P4HA3: variants seen among roughly 807,000 people sequenced by gnomAD.
The protein encoded by P4HA3 is prolyl 4-hydroxylase subunit alpha 3.
In P4HA3, 60 loss-of-function variants were observed where a neutral mutation model predicts 66.7. The ratio of observed to expected loss-of-function variants is 0.90; its 90% CI spans 0.73 to 1.12. P4HA3 has a LOEUF of 1.12. P4HA3 is among the 50% of genes most tolerant of loss of function. P4HA3 has a pLI of 0.00. For missense variants in P4HA3, 683 were observed against 685.8 expected, an observed-to-expected ratio of 1.00 and a Z score of 0.05; for synonymous variants, 263 against 274.6, an observed-to-expected ratio of 0.96 and a Z score of 0.42.
At chr11:74,272,006 C>T (rs1044682570) in intron 10 of P4HA3, among the ~76,000 whole-genome samples, 7 of 152,152 alleles carry the variant, frequency 4.6e-5, no homozygotes, top group African/African-American at 1.7e-4. Context: ...CAGACCCTCA[C>T]AACAACACTG....
intron 15 of P4HA3, among the ~76,000 whole-genome samples, chr11:74,255,250 C>T (rs975349686): frequency 1.2e-4 from 19 of 152,212 alleles, no homozygotes; most frequent in Non-Finnish European, 2.5e-4. Flanking sequence ...CAGTGAATGA[C>T]TTCTCTTACA....
intron 15 of P4HA3, chr11:74,259,877 A>G (rs1189914420): frequency 1.3e-5 from 2 of 152,206 alleles, no homozygotes; most frequent in Non-Finnish European, 1.5e-5. Flanking sequence ...TAAAGCTGCT[A>G]TGACCATGGG....
chr11:74,266,944 T>C lies in P4HA3; in HGVS notation c.*304A>G, dbSNP rs1860007004. The stretch of plus-strand genomic sequence containing the variant: ...GACCCACTGATCGAACCTGAGACTG[T>C]TGAGATGTCCTGTTCCCAACAGAGA... On this transcript the variant is annotated 3_prime_UTR_variant, in exon 13 of 13. Coordinates refer to ENST00000331597, the MANE Select transcript of P4HA3 (RefSeq NM_182904.5). 1.5e-6 allele frequency: 2 copies of C among 1,353,814 alleles called. No individual in the cohort carries two copies. Among genetic ancestry groups the C allele is most frequent in the South Asian group, 1.5e-5 (1 of 66,508 alleles). 83.9% of individuals were successfully genotyped at this position (1,353,814 alleles called of 1,614,324 possible). A position where few individuals can be genotyped will look rare whatever the true frequency, so the allele number is the denominator to read the frequency against.
intron 8 of P4HA3, 90 bp downstream of exon 8, chr11:74,279,298 G>A: frequency 1.7e-6 from 2 of 1,191,706 alleles, no homozygotes; most frequent in Non-Finnish European, 2.5e-6. Flanking sequence ...CACCTCTGGA[G>A]GTCCCTGAAT....
downstream of P4HA3, among the ~76,000 whole-genome samples, chr11:74,263,799 G>A (rs186977043): frequency 3.9e-5 from 6 of 152,348 alleles, no homozygotes; most frequent in Admixed American, 2.0e-4. Flanking sequence ...GGACAAGGCT[G>A]TTGGAAAACA....
Position 74,298,263 on chromosome 11 carries a change from A to C in P4HA3, c.666T>G (p.Asp222Glu), listed in dbSNP as rs1861290222. The part of the protein sequence containing the change: ...RGSYGEWKTE[D>E]EASLEDALDH... ...CCAAGGCATCTTCTAGACTTGCCTC[A>C]TCCTCTGTCTTCCACTCTCCGTAAG... Residue 222 changes from aspartate to glutamate, a missense_variant, in exon 4 of 13, where the codon GAT becomes GAG. Transcript: ENST00000331597. 6.2e-7 allele frequency: 1 copy of C among 1,614,114 alleles called. No homozygotes were observed. The highest frequency in any genetic ancestry group is 1.3e-5 in the African/African-American group (1 of 75,052).
chr11:74,281,691 A>G (rs1860603103), intron 7 of P4HA3, among the ~76,000 whole-genome samples: 1 of 152,060 alleles, frequency 6.6e-6, no homozygotes, highest in Non-Finnish European at 1.5e-5. Flanking sequence ...ACATGGACAC[A>G]GGAAGGGGAA....
At chr11:74,283,698 C>T (rs1187791210) in intron 7 of P4HA3, among the ~76,000 whole-genome samples, 2 of 152,222 alleles carry the variant, frequency 1.3e-5, no homozygotes, top group Non-Finnish European at 2.9e-5. Flanking sequence ...TCTGCCCAGT[C>T]TCTGAACATA....
chr11:74,291,987 T>A (rs1861045416), intron 4 of P4HA3, among the ~76,000 whole-genome samples: 1 of 152,216 alleles, frequency 6.6e-6, no homozygotes, highest in Non-Finnish European at 1.5e-5. Context: ...ATTCCCTCTT[T>A]TTCTATTGAT....
At chr11:74,264,122 G>A (rs1368188921), downstream of P4HA3, among the ~76,000 whole-genome samples, 1 of 152,094 alleles carries the variant, frequency 6.6e-6, no homozygotes, top group African/African-American at 2.4e-5. Flanking sequence ...ATAAGAATTA[G>A]GCCTTTCCAC....
In P4HA3 at chr11:74,304,444, C is replaced by A. The variant is rs1414125139; in HGVS notation, c.201-32G>T. On this transcript the variant is annotated intron_variant, in intron 1 of 12. Transcript: ENST00000331597. ...GAAAGGAGTAGAATGATCTCACCTC[C>A]TGATACAACCACTACACCTAGGGAA... 6 of 1,611,542 alleles carry A rather than the reference C, an allele frequency of 3.7e-6. No individual in the cohort carries two copies. In the African/African-American group the frequency reaches 8.0e-5, roughly 22 times the overall value.
intron 10 of P4HA3, among the ~76,000 whole-genome samples, chr11:74,271,468 C>T (rs577218775): frequency 6.6e-6 from 1 of 152,064 alleles, no homozygotes; most frequent in Non-Finnish European, 1.5e-5. Context: ...GCTGTAAGAA[C>T]AGTGGGAAAG....
In P4HA3 at chr11:74,268,218, G is replaced by A; in HGVS notation, c.1491C>T (p.Asn497=). Residue 497 remains asparagine (N), a synonymous_variant, in exon 12 of 13, where the codon AAC becomes AAT. Coordinates refer to ENST00000331597, the MANE Select transcript of P4HA3 (RefSeq NM_182904.5). Reference sequence around the variant, plus strand: ...TGTCCCCTTCACCACTCCTGTGCAGGTTCCACCAAAACAGTGCTGCATTCT... The same window carrying A: ...TGTCCCCTTCACCACTCCTGTGCAGATTCCACCAAAACAGTGCTGCATTCT... ...VVRNAALFWW[N]LHRSGEGDSD... The A allele has an allele frequency of 6.2e-7, 1 of 1,613,982 alleles. No homozygotes were observed. The highest frequency in any genetic ancestry group is 1.7e-5 in the Admixed American group (1 of 60,008).
intron 5 of P4HA3, 107 bp downstream of exon 5, chr11:74,288,965 AAGATAAT>A: frequency 4.0e-6 from 3 of 745,344 alleles, no homozygotes; most frequent in Non-Finnish European, 3.8e-6. Flanking sequence ...AAAAAAAAAA[AAGATAAT>A]AAAGATAGAT....
intron 3 of P4HA3, among the ~76,000 whole-genome samples, chr11:74,300,757 T>C (rs1861382323): frequency 1.3e-5 from 2 of 152,236 alleles, no homozygotes; most frequent in African/African-American, 4.8e-5. Context: ...GAGTTGGCGA[T>C]ACCACTCCGA....
intron 15 of P4HA3, among the ~76,000 whole-genome samples, chr11:74,252,810 G>C (rs889886130): frequency 6.6e-6 from 1 of 152,132 alleles, no homozygotes; most frequent in Non-Finnish European, 1.5e-5. Context: ...ATCCTAGGTA[G>C]CTCTTCATCT....
intron 15 of P4HA3, among the ~76,000 whole-genome samples, chr11:74,253,163 G>A (rs145132766): frequency 1.3e-5 from 2 of 152,166 alleles, no homozygotes; most frequent in Non-Finnish European, 2.9e-5. Context: ...GCAAGACCTT[G>A]GGACAGTGAA....
Position 74,293,576 on chromosome 11 carries a change from G to A in P4HA3, c.718-4446C>T, listed in dbSNP as rs1379943922. On this transcript the variant is annotated intron_variant, in intron 4 of 12. Transcript: ENST00000331597. ...TTACAATTTGACATGTTTTTGCAGT[G>A]GCTGGTACCAGTTGTTCCTTTCCAT... 2.6e-5 allele frequency among the ~76,000 whole-genome samples: 4 copies of A among 152,160 alleles called. No homozygotes were observed. The East Asian group carries it at 7.7e-4, about 29-fold the overall frequency.
intron 15 of P4HA3, chr11:74,251,543 G>A: frequency 6.6e-7 from 1 of 1,521,296 alleles, no homozygotes; most frequent in African/African-American, 1.4e-5. Flanking sequence ...CCTGTGGGTG[G>A]GATGAGGGCA....
Sources: gnomAD v4.1 joint callset for allele counts (sites outside exome capture counted in the v4.1 genomes callset) on GRCh38, gnomAD v4.1.1 for gene constraint, MANE v1.5 for transcripts, NCBI Gene and HGNC (gene_info 2026-07-23, HGNC 2026-07-21) for gene names.